Variants in GFRA1 observed in about 807,000 individuals in gnomAD.
GFRA1 encodes the protein GDNF family receptor alpha-1.
Under a neutral mutation model 51.6 loss-of-function variants are expected in GFRA1, and 16 were observed. The ratio of observed to expected loss-of-function variants is 0.31; its 90% confidence interval spans 0.21 to 0.47. The LOEUF (loss-of-function observed/expected upper bound fraction) is 0.47, where lower values mean the gene tolerates loss of function less well. Ranked by LOEUF, GFRA1 falls within the 20% of genes least tolerant of loss-of-function variation. The pLI is 1.00. For synonymous variants in GFRA1, 270 were observed against 241.3 expected (o/e 1.12, Z -1.10); for missense variants, 530 against 594.3 (o/e 0.89, Z 1.13).
intron 5 of GFRA1, among the ~76,000 whole-genome samples, chr10:116,131,274 G>A (rs1958092075): frequency 6.6e-6 from 1 of 152,214 alleles, no homozygotes; most frequent in Admixed American, 6.5e-5. Flanking sequence ...TTAACAAAAT[G>A]TGATGTTCCT....
At chr10:116,130,381 T>G (rs781515964) in intron 5 of GFRA1, among the ~76,000 whole-genome samples, 136 of 152,174 alleles carry the variant, frequency 8.9e-4, no homozygotes, top group Non-Finnish European at 1.6e-3. Context: ...CTCCAAATCA[T>G]AAAATGTTTT....
intron 4 of GFRA1, among the ~76,000 whole-genome samples, chr10:116,249,324 A>G (rs1379777841): frequency 1.3e-5 from 2 of 152,090 alleles, no homozygotes; most frequent in African/African-American, 4.8e-5. Flanking sequence ...ATTACTGAAC[A>G]CAAGAGACGA....
Position 116,125,342 on chromosome 10 carries a change from G to T in GFRA1, c.649C>A (p.Arg217=), listed in dbSNP as rs567690402. 1 of 1,614,246 alleles carries T rather than the reference G, an allele frequency of 6.2e-7. No homozygotes were observed. Among genetic ancestry groups the T allele is most frequent in the African/African-American group, 1.3e-5 (1 of 75,070 alleles). ...HSYGMLFCSC[R]DIACTERRRQ... is the part of the protein sequence containing the mutation. Reference sequence around the variant, plus strand: ...CTCCGCTCTGTGCAGGCGATGTCCCGGCAGGAGCAGAAGAGCATTCCGTAG... The same window carrying T: ...CTCCGCTCTGTGCAGGCGATGTCCCTGCAGGAGCAGAAGAGCATTCCGTAG... Residue 217 remains arginine (R), a synonymous_variant, in exon 6 of 11, where the codon CGG becomes AGG. Transcript: ENST00000355422.
chr10:116,232,629 G>A lies in GFRA1; in HGVS notation c.419-20984C>T, dbSNP rs377288350. Reference sequence around the variant, plus strand: ...ACACCACATTCGGCATAGATAGAGAGAAAAGGAGAATTGCAAATTACTTTT... The same window carrying A: ...ACACCACATTCGGCATAGATAGAGAAAAAAGGAGAATTGCAAATTACTTTT... On this transcript the variant is annotated intron_variant, in intron 4 of 10. Transcript: ENST00000355422. 6.5e-4 allele frequency among the ~76,000 whole-genome samples: 99 copies of A among 152,276 alleles called. No homozygotes were observed. The Middle Eastern group carries it at 0.01, about 16-fold the overall frequency.
At chr10:116,133,497 AATC>A (rs1229154419) in intron 5 of GFRA1, among the ~76,000 whole-genome samples, 2 of 152,188 alleles carry the variant, frequency 1.3e-5, no homozygotes, top group Non-Finnish European at 1.5e-5. Context: ...AATGTGGTCC[AATC>A]ATCTGAGCGT....
intron 5 of GFRA1, among the ~76,000 whole-genome samples, chr10:116,163,652 C>A (rs1960064793): frequency 6.6e-6 from 1 of 152,194 alleles, no homozygotes; most frequent in Admixed American, 6.5e-5. Context: ...GCAGCAGGCC[C>A]ACAGACCCAG....
At chr10:116,220,158 A>G (rs1965829123) in intron 4 of GFRA1, among the ~76,000 whole-genome samples, 1 of 152,240 alleles carries the variant, frequency 6.6e-6, no homozygotes, top group Non-Finnish European at 1.5e-5. Context: ...TCCATAATAC[A>G]GCCTGTGATT....
chr10:116,124,707 T>G (rs974711711), intron 6 of GFRA1, among the ~76,000 whole-genome samples: 7 of 152,152 alleles, frequency 4.6e-5, no homozygotes, highest in Non-Finnish European at 2.9e-5. Flanking sequence ...GAAGGTGACC[T>G]CTTCACAGCG....
At chr10:116,105,961 G>C (rs577607731) in intron 6 of GFRA1, among the ~76,000 whole-genome samples, 1 of 152,286 alleles carries the variant, frequency 6.6e-6, no homozygotes, top group South Asian at 2.1e-4. Flanking sequence ...TGGATCTTGA[G>C]GTAGGGAGAG....
intron 4 of GFRA1, among the ~76,000 whole-genome samples, chr10:116,229,155 T>G (rs1276820223): frequency 6.6e-6 from 1 of 152,110 alleles, no homozygotes; most frequent in Non-Finnish European, 1.5e-5. Flanking sequence ...TATACACTAA[T>G]AAATTTGTAT....
At chr10:116,263,227 A>T (rs1398425447) in intron 4 of GFRA1, among the ~76,000 whole-genome samples, 1 of 152,156 alleles carries the variant, frequency 6.6e-6, no homozygotes, top group Non-Finnish European at 1.5e-5. Flanking sequence ...TCATTCTCTG[A>T]TGGGGCAATG....
chr10:116,089,189 T>A (rs1239947258), intron 9 of GFRA1, among the ~76,000 whole-genome samples: 2 of 152,134 alleles, frequency 1.3e-5, no homozygotes, highest in Non-Finnish European at 2.9e-5. Flanking sequence ...CAGGGCAGCT[T>A]GTGCCTCCTC....
chr10:116,097,512 A>G (rs1341163386), intron 6 of GFRA1, among the ~76,000 whole-genome samples: 1 of 152,190 alleles, frequency 6.6e-6, no homozygotes. Flanking sequence ...GTGAAGATGC[A>G]GCAGCCCAGA....
At chr10:116,209,764 T>C (rs1965046993) in intron 5 of GFRA1, among the ~76,000 whole-genome samples, 1 of 152,038 alleles carries the variant, frequency 6.6e-6, no homozygotes, top group African/African-American at 2.4e-5. Flanking sequence ...CAGTTGAACA[T>C]TTTACGGAGC....
chr10:116,205,185 T>C (rs375158674), intron 5 of GFRA1, among the ~76,000 whole-genome samples: 7 of 152,248 alleles, frequency 4.6e-5, no homozygotes, highest in East Asian at 3.9e-4. Flanking sequence ...CTTATAAAGT[T>C]TGGGGGCAGA....
intron 9 of GFRA1, among the ~76,000 whole-genome samples, chr10:116,083,455 T>C (rs1376480551): frequency 6.6e-6 from 1 of 152,198 alleles, no homozygotes; most frequent in Non-Finnish European, 1.5e-5. Context: ...CTAGCATAAA[T>C]TGCAAGAAAA....
Position 116,185,352 on chromosome 10 carries a change from CTAT to C in GFRA1, c.433+26276_433+26278del, listed in dbSNP as rs546647630. ...CTCAGCTGATGATCTGTAAGACAGG[CTAT>C]TAACAGTGCCACCCACATTAATTGT... On this transcript the variant is annotated intron_variant, in intron 5 of 10. Coordinates refer to ENST00000355422, the MANE Select transcript of GFRA1 (RefSeq NM_005264.8). 3.9e-5 allele frequency among the ~76,000 whole-genome samples: 6 copies of C among 152,220 alleles called. No individual in the cohort carries two copies. In the South Asian group the frequency reaches 1.2e-3, roughly 32 times the overall value.
chr10:116,174,500 C>G (rs1961386056), intron 5 of GFRA1, among the ~76,000 whole-genome samples: 1 of 152,174 alleles, frequency 6.6e-6, no homozygotes, highest in Non-Finnish European at 1.5e-5. Flanking sequence ...TGTTGTTAGG[C>G]AGCAGAGGCC....
chr10:116,254,620 G>C (rs139241803), intron 4 of GFRA1, among the ~76,000 whole-genome samples: 231 of 152,306 alleles, frequency 1.5e-3, no homozygotes, highest in Non-Finnish European at 2.7e-3. Flanking sequence ...TTGGCAACCA[G>C]AGCCAGCTTT....
Sources: gnomAD v4.1 joint callset for allele counts (sites outside exome capture counted in the v4.1 genomes callset) on GRCh38, gnomAD v4.1.1 for gene constraint, MANE v1.5 for transcripts, NCBI Gene and HGNC (gene_info 2026-07-23, HGNC 2026-07-21) for gene names.